Variants in DOCK2 observed in about 807,000 individuals in gnomAD.
The protein encoded by DOCK2 is dedicator of cytokinesis 2, also known as dedicator of cytokinesis protein 2.
Under a neutral mutation model 248.9 loss-of-function variants are expected in DOCK2, and 87 were observed. The observed-to-expected ratio is 0.35, with a 90% CI of 0.29 to 0.42. The LOEUF is 0.42. DOCK2 is among the 10% of genes least tolerant of loss of function. The pLI is 1.00. For synonymous variants in DOCK2, 805 were observed against 821.6 expected (o/e 0.98, Z 0.35); for missense variants, 1,747 against 2,300.2 (o/e 0.76, Z 4.92).
intron 27 of DOCK2, among the ~76,000 whole-genome samples, chr5:169,913,657 C>T (rs1211375162): frequency 6.6e-6 from 1 of 152,184 alleles, no homozygotes; most frequent in Non-Finnish European, 1.5e-5. Context: ...ATGAGCAGAG[C>T]TATTTCACAC....
At chr5:169,968,959 G>A (rs1332134655) in intron 27 of DOCK2, among the ~76,000 whole-genome samples, 1 of 152,110 alleles carries the variant, frequency 6.6e-6, no homozygotes, top group African/African-American at 2.4e-5. Flanking sequence ...GACTACCCTG[G>A]ATAACATGGT....
intron 27 of DOCK2, among the ~76,000 whole-genome samples, chr5:169,982,052 G>A (rs1338416654): frequency 6.9e-6 from 1 of 145,214 alleles, no homozygotes; most frequent in Non-Finnish European, 1.5e-5. Flanking sequence ...AAAGGCAGCA[G>A]TTTATGGTAA....
intron 41 of DOCK2, among the ~76,000 whole-genome samples, chr5:170,050,805 A>G (rs539011840): frequency 6.6e-6 from 1 of 152,294 alleles, no homozygotes; most frequent in East Asian, 1.9e-4. Context: ...ACCTATCTCA[A>G]TACATTGTAA....
chr5:169,855,338 T>A (rs1770829508), intron 27 of DOCK2, among the ~76,000 whole-genome samples: 1 of 152,192 alleles, frequency 6.6e-6, no homozygotes, highest in Non-Finnish European at 1.5e-5. Flanking sequence ...TGGAATAGTG[T>A]CCCTGGTAGG....
intron 36 of DOCK2, among the ~76,000 whole-genome samples, chr5:170,039,932 G>A (rs1756457865): frequency 6.6e-6 from 1 of 152,186 alleles, no homozygotes; most frequent in Admixed American, 6.5e-5. Context: ...CTAATGATAT[G>A]CAGGTCACCG....
intron 27 of DOCK2, chr5:169,883,395 A>T: frequency 6.4e-7 from 1 of 1,551,694 alleles, no homozygotes; most frequent in East Asian, 2.4e-5. Context: ...GGAGGAATGC[A>T]TGGGACACCT....
chr5:169,862,342 T>G (rs920728151), intron 27 of DOCK2, among the ~76,000 whole-genome samples: 5 of 152,228 alleles, frequency 3.3e-5, no homozygotes, highest in African/African-American at 9.6e-5. Context: ...CCCGAGAATA[T>G]AAATTCACAT....
At chr5:170,027,757 G>C in intron 33 of DOCK2, 106 bp from the exon 34 acceptor site, 1 of 1,023,126 alleles carries the variant, frequency 9.8e-7, no homozygotes, top group Non-Finnish European at 1.4e-6. Flanking sequence ...ACTCAACCTG[G>C]GAGATAAAGA....
chr5:170,051,649 C>A (rs1756919840), intron 41 of DOCK2, among the ~76,000 whole-genome samples: 1 of 152,160 alleles, frequency 6.6e-6, no homozygotes. Flanking sequence ...TTTAAACGTG[C>A]ATGGAGGTGA....
At chr5:169,768,958 A>T (rs1764942560) in intron 25 of DOCK2, among the ~76,000 whole-genome samples, 1 of 152,190 alleles carries the variant, frequency 6.6e-6, no homozygotes, top group African/African-American at 2.4e-5. Context: ...GCCTGCAGTA[A>T]GTCCTCCCTG....
chr5:170,038,807 A>G (rs955782990), intron 36 of DOCK2, among the ~76,000 whole-genome samples: 2 of 152,182 alleles, frequency 1.3e-5, no homozygotes, highest in Non-Finnish European at 2.9e-5. Context: ...AGGGTGCCAA[A>G]GGAGGAGTTG....
At chr5:169,933,799 G>A (rs920457166) in intron 27 of DOCK2, among the ~76,000 whole-genome samples, 1 of 152,124 alleles carries the variant, frequency 6.6e-6, no homozygotes, top group African/African-American at 2.4e-5. Flanking sequence ...TCAACATGCA[G>A]ATTTATGAGG....
intron 38 of DOCK2, among the ~76,000 whole-genome samples, chr5:170,045,384 C>T (rs923490679): frequency 7.9e-5 from 12 of 152,086 alleles, no homozygotes; most frequent in African/African-American, 2.7e-4. Flanking sequence ...AACACGAGCA[C>T]GTGGGAGGCA....
intron 32 of DOCK2, 107 bp downstream of exon 32, chr5:170,008,853 TAACAG>T: frequency 2.3e-6 from 3 of 1,317,694 alleles, no homozygotes; most frequent in Non-Finnish European, 3.3e-6. Flanking sequence ...GAGCATGAAA[TAACAG>T]TTCATTACTG....
chr5:169,943,588 C>T (rs753338918), intron 27 of DOCK2, among the ~76,000 whole-genome samples: 2 of 152,210 alleles, frequency 1.3e-5, no homozygotes, highest in South Asian at 2.1e-4. Flanking sequence ...ATTTGGTTAC[C>T]CTCACCTCCT....
rs370316549 is a variant in DOCK2, at chr5:170,045,853, C to T, written c.3914C>T (p.Ala1305Val). Residue 1305 changes from alanine (A) to valine (V), a missense_variant, in exon 39 of 52, where the codon GCG becomes GTG. Ala to Val is a moderately conservative substitution (Grantham distance 64, BLOSUM62 0). Transcript: ENST00000520908. ...GCCATAAGTCTGTGCAAGGAGCTGG[C>T]GGAACAGTACGAGATGGAGATCTTT... ...EEAISLCKEL[A>V]EQYEMEIFDY... is the part of the protein sequence containing the mutation. 20 of 1,614,056 alleles carry T rather than the reference C, an allele frequency of 1.2e-5. No homozygotes were observed. Among genetic ancestry groups the T allele is most frequent in the African/African-American group, 4.0e-5 (3 of 75,028 alleles).
chr5:170,076,206 A>C, intron 47 of DOCK2, 122 bp downstream of exon 47: 1 of 1,376,510 alleles, frequency 7.3e-7, no homozygotes, highest in Non-Finnish European at 9.8e-7. Context: ...GAAGATAATG[A>C]TGGCCAGCAT....
At chr5:169,675,710 G>C (rs1004742301) in intron 6 of DOCK2, among the ~76,000 whole-genome samples, 1 of 152,190 alleles carries the variant, frequency 6.6e-6, no homozygotes, top group African/African-American at 2.4e-5. Flanking sequence ...GGGTCTGAAG[G>C]CTGGAACACA....
intron 23 of DOCK2, among the ~76,000 whole-genome samples, chr5:169,750,604 T>TTA (rs1265081905): frequency 6.6e-6 from 1 of 152,216 alleles, no homozygotes; most frequent in Non-Finnish European, 1.5e-5. Flanking sequence ...GGTAGCTGTG[T>TTA]TAGAAATACC....
Sources: gnomAD v4.1 joint callset for allele counts (sites outside exome capture counted in the v4.1 genomes callset) on GRCh38, gnomAD v4.1.1 for gene constraint, MANE v1.5 for transcripts, NCBI Gene and HGNC (gene_info 2026-07-23, HGNC 2026-07-21) for gene names.